TNS1: variants seen among roughly 807,000 people sequenced by gnomAD.
TNS1 encodes the protein tensin 1.
A neutral mutation model predicts 168.6 loss-of-function variants in TNS1; 62 were observed. The observed-to-expected ratio is 0.37, with a 90% confidence interval of 0.30 to 0.45. The LOEUF (loss-of-function observed/expected upper bound fraction) is 0.45. Among genes scored for constraint, TNS1 ranks in the 20% least tolerant of loss-of-function variants. The pLI is 1.00. For synonymous variants in TNS1, 934 were observed against 933.2 expected, an observed-to-expected ratio of 1.00 and a Z score of -0.02; for missense variants, 2,240 against 2,339.4, an observed-to-expected ratio of 0.96 and a Z score of 0.88.
At position 217,857,754 on chromosome 2, in the gene TNS1, T is replaced by A. The variant is rs535408150; in HGVS notation, c.1430-8667A>T. 2.6e-5 allele frequency among the ~76,000 whole-genome samples: 4 copies of A among 152,252 alleles called. No individual in the cohort carries two copies. In the East Asian group the frequency reaches 7.7e-4, roughly 29 times the overall value. ...CAAATGTGAATTCTCAGACCCAGCC[T>A]CCTGACTCCGGCCTGGCCTGTGTTC... On this transcript the variant is annotated intron_variant, in intron 18 of 32. Coordinates refer to ENST00000682258, the MANE Select transcript of TNS1 (RefSeq NM_001387777.1).
chr2:217,941,220 G>T (rs1471522160), intron 3 of TNS1, among the ~76,000 whole-genome samples: 1 of 152,242 alleles, frequency 6.6e-6, no homozygotes, highest in Non-Finnish European at 1.5e-5. Context: ...AGGGGTTCAA[G>T]ATGCCCAACA....
rs143648528 is a variant in TNS1 at position 218,032,453 on chromosome 2, C to A, written c.156+1367G>T. On this transcript the variant is annotated intron_variant, in intron 1 of 1. Coordinates refer to the TNS1 transcript ENST00000649572. The surrounding 1 kb of genome is among the most constrained non-coding windows in gnomAD (Gnocchi z 4.0). ...TAGCGAGGCTGGGTGTGGACACAGG[C>A]AGCAGGAGCTCAGGCTGTGGTCAAA... is the stretch of plus-strand genomic sequence containing the variant. Among the ~76,000 whole-genome samples the A allele has an allele frequency of 2.2e-3, 339 of 152,164 alleles. 2 individuals carry two copies. The highest frequency in any genetic ancestry group is 7.4e-3 in the African/African-American group (307 of 41,528).
intron 3 of TNS1, among the ~76,000 whole-genome samples, chr2:217,949,723 C>T (rs1386181757): frequency 6.7e-6 from 1 of 149,558 alleles, no homozygotes; most frequent in Non-Finnish European, 1.5e-5. Flanking sequence ...GGAGGCTTAC[C>T]AAGCACACCA....
rs1951683427 is a variant in TNS1, at chr2:217,890,970, G to C, written c.858C>G (p.Ser286=). The change falls in exon 12 of 33, where the codon TCC becomes TCG. Residue 286 remains serine, a synonymous_variant. Coordinates refer to ENST00000682258, the MANE Select transcript of TNS1 (RefSeq NM_001387777.1). ...EDKIVPIGQP[S]QRRYVHYFSG... ...GAGCCCCAGAGACCCACCTTCTTTG[G>C]GATGGCTGGCCAATGGGCACAATCT... 11 of 1,614,208 alleles carry C rather than the reference G, an allele frequency of 6.8e-6. No homozygotes were observed. The highest frequency in any genetic ancestry group is 9.3e-6 in the Non-Finnish European group (11 of 1,180,032).
chr2:217,973,720 A>G (rs1044936655), intron 3 of TNS1, among the ~76,000 whole-genome samples: 2 of 152,200 alleles, frequency 1.3e-5, no homozygotes, highest in Non-Finnish European at 2.9e-5. Context: ...TGGGGCCTGG[A>G]TGTTGGATCT....
rs1952129489 is a variant in TNS1 at position 217,894,988 on chromosome 2, A to G, written c.594+18T>C. 8 of 1,612,202 alleles carry G rather than the reference A, an allele frequency of 5.0e-6. No homozygotes were observed. Among genetic ancestry groups the G allele is most frequent in the South Asian group, 1.1e-5 (1 of 90,272 alleles). On this transcript the variant is annotated intron_variant, in intron 9 of 32. Coordinates refer to ENST00000682258, the MANE Select transcript of TNS1 (RefSeq NM_001387777.1). The stretch of plus-strand genomic sequence containing the variant: ...GTTCTCCTTCTCCTCCCCTACCCCA[A>G]AACAGCCCCTGGCTCACCTTGGCAT...
intron 4 of TNS1, among the ~76,000 whole-genome samples, chr2:217,912,118 C>G (rs1954480192): frequency 6.6e-6 from 1 of 152,238 alleles, no homozygotes; most frequent in Non-Finnish European, 1.5e-5. Flanking sequence ...AAGGTGGGGC[C>G]AGGAGGGGCC....
intron 18 of TNS1, among the ~76,000 whole-genome samples, chr2:217,872,146 A>G (rs1419400133): frequency 6.6e-6 from 1 of 152,238 alleles, no homozygotes; most frequent in Non-Finnish European, 1.5e-5. Flanking sequence ...TTAACGTGAA[A>G]GTACTTGGGT....
intron 3 of TNS1, among the ~76,000 whole-genome samples, chr2:217,938,981 T>G (rs979643602): frequency 2.6e-5 from 4 of 152,106 alleles, no homozygotes; most frequent in Non-Finnish European, 4.4e-5. Context: ...GGTCCCATAA[T>G]TCTCTTCATC....
At chr2:218,009,845 C>A (rs969115716) in intron 1 of TNS1, among the ~76,000 whole-genome samples, 1 of 152,240 alleles carries the variant, frequency 6.6e-6, no homozygotes, top group Non-Finnish European at 1.5e-5. Context: ...CTGATCCAAG[C>A]CCAAGACACC....
chr2:217,856,215 G>A lies in TNS1; in HGVS notation c.1430-7128C>T, dbSNP rs377084582. On this transcript the variant is annotated intron_variant, in intron 18 of 32. Transcript: ENST00000682258. ...CACTGAGTGGAAGCTTTGCGGCTGC[G>A]GGAGCCTAAGAAGTGGCTCAGGGTG... Among the ~76,000 whole-genome samples, 70 of 152,272 alleles carry A rather than the reference G, an allele frequency of 4.6e-4. 1 individual carries two copies. In the South Asian group the frequency reaches 0.01, roughly 23 times the overall value.
At chr2:217,888,940 A>T (rs1350472371) in intron 12 of TNS1, among the ~76,000 whole-genome samples, 1 of 152,170 alleles carries the variant, frequency 6.6e-6, no homozygotes, top group Non-Finnish European at 1.5e-5. Flanking sequence ...TCAGACTCAG[A>T]GATGTTACTC....
Position 217,818,463 on chromosome 2 carries a change from C to A in TNS1, c.3869G>T (p.Gly1290Val), listed in dbSNP as rs774957474. 1 of 1,614,148 alleles carries A rather than the reference C, an allele frequency of 6.2e-7. No individual in the cohort carries two copies. Among genetic ancestry groups the A allele is most frequent in the South Asian group, 1.1e-5 (1 of 91,084 alleles). Residue 1290 changes from glycine to valine, a missense_variant, in exon 24 of 33, where the codon GGC becomes GTC. Coordinates refer to ENST00000682258, the MANE Select transcript of TNS1 (RefSeq NM_001387777.1). ...GSPQARHRTVGTNTPPSPGFG... is the reference protein window; with the variant it reads ...GSPQARHRTVVTNTPPSPGFG... ...GCCAGGACTAGGGGGAGTGTTGGTGCCCACTGTTCTGTGGCGCGCCTGAGG... is the reference window on the plus strand; with the variant it reads ...GCCAGGACTAGGGGGAGTGTTGGTGACCACTGTTCTGTGGCGCGCCTGAGG...
At chr2:217,878,395 G>A (rs141441775) in intron 18 of TNS1, among the ~76,000 whole-genome samples, 6 of 152,328 alleles carry the variant, frequency 3.9e-5, no homozygotes, top group South Asian at 2.1e-4. Context: ...AGGGGGCAAC[G>A]CGGTGGCTTG....
intron 3 of TNS1, among the ~76,000 whole-genome samples, chr2:217,962,883 C>T (rs1957533901): frequency 6.6e-6 from 1 of 152,132 alleles, no homozygotes; most frequent in Non-Finnish European, 1.5e-5. Context: ...GTGGTGGGAA[C>T]ACTGGCCAAA....
chr2:217,885,528 T>C (rs894162576), intron 15 of TNS1, among the ~76,000 whole-genome samples: 8 of 152,214 alleles, frequency 5.3e-5, no homozygotes, highest in African/African-American at 1.9e-4. Context: ...TGAGTGATAT[T>C]TCCCTGGAGA....
intron 7 of TNS1, among the ~76,000 whole-genome samples, chr2:217,899,236 C>T (rs1270687037): frequency 1.3e-5 from 2 of 152,122 alleles, no homozygotes; most frequent in Non-Finnish European, 2.9e-5. Context: ...ATGACAGGGG[C>T]CTGAGTGGGA....
At chr2:217,936,037 A>C (rs1293789169) in intron 3 of TNS1, among the ~76,000 whole-genome samples, 4 of 152,208 alleles carry the variant, frequency 2.6e-5, no homozygotes, top group African/African-American at 9.6e-5. Flanking sequence ...ACCACCTGCG[A>C]CATGCCAGGC....
At chr2:217,902,500 G>C (rs997554797) in intron 6 of TNS1, among the ~76,000 whole-genome samples, 1 of 152,150 alleles carries the variant, frequency 6.6e-6, no homozygotes, top group East Asian at 1.9e-4. Flanking sequence ...AAGGGGGGCC[G>C]GGAGCCTGCA....
Sources: allele counts gnomAD v4.1 joint callset (sites outside exome capture counted in the v4.1 genomes callset), GRCh38; gene constraint gnomAD v4.1.1; non-coding constraint Gnocchi (gnomAD v3.1); transcripts MANE v1.5; gene names NCBI Gene and HGNC (gene_info 2026-07-23, HGNC 2026-07-21).